Variants in RALGAPA2 observed in about 807,000 individuals in gnomAD.
The protein encoded by RALGAPA2 is Ral GTPase activating protein catalytic subunit alpha 2, also known as ral GTPase-activating protein subunit alpha-2.
Under a neutral mutation model 230.4 loss-of-function variants are expected in RALGAPA2, and 139 were observed. That is an observed-to-expected ratio of 0.60 (90% CI 0.53 to 0.69). The LOEUF (loss-of-function observed/expected upper bound fraction) is 0.69. RALGAPA2 is among the 30% of genes least tolerant of loss of function. RALGAPA2 has a pLI of 0.00. For missense variants in RALGAPA2, 2,163 were observed against 2,276.0 expected, an observed-to-expected ratio of 0.95 and a Z score of 1.01; for synonymous variants, 847 against 837.8, an observed-to-expected ratio of 1.01 and a Z score of -0.19.
chr20:20,595,354 A>G (rs1450753446), intron 16 of RALGAPA2, among the ~76,000 whole-genome samples: 1 of 152,186 alleles, frequency 6.6e-6, no homozygotes, highest in Admixed American at 6.5e-5. Flanking sequence ...CATGATACCA[A>G]TCTGATCCTA....
chr20:20,638,378 T>C (rs1406947573), intron 7 of RALGAPA2, among the ~76,000 whole-genome samples: 1 of 152,174 alleles, frequency 6.6e-6, no homozygotes, highest in African/African-American at 2.4e-5. Flanking sequence ...ATGAGATGCT[T>C]TGGCTACCGC....
chr20:20,428,506 A>G (rs1018381940), intron 37 of RALGAPA2, among the ~76,000 whole-genome samples: 1 of 152,182 alleles, frequency 6.6e-6, no homozygotes, highest in Non-Finnish European at 1.5e-5. Context: ...CATGACCCAG[A>G]TGAGGAAAAT....
chr20:20,584,888 C>T lies in RALGAPA2; in HGVS notation c.2507G>A (p.Gly836Glu), dbSNP rs751545417. 11 of 1,611,252 alleles carry T rather than the reference C, an allele frequency of 6.8e-6. No homozygotes were observed. Among genetic ancestry groups the T allele is most frequent in the Non-Finnish European group, 7.6e-6 (9 of 1,178,164 alleles). The change falls in exon 19 of 40, where the codon GGA becomes GAA. Residue 836 changes from glycine to glutamate, a missense_variant. Coordinates refer to ENST00000202677, the MANE Select transcript of RALGAPA2 (RefSeq NM_020343.4). ...DLKDDLQQTQ[G>E]KCRERQKSES... ...ACTCTTCTGTCTTTCCCTACATTTT[C>T]CTTGTGTCTGCTGCAAATCATCTTT... is the stretch of plus-strand genomic sequence containing the variant.
chr20:20,433,402 G>C (rs2122987112), intron 37 of RALGAPA2, among the ~76,000 whole-genome samples: 1 of 152,360 alleles, frequency 6.6e-6, no homozygotes, highest in Middle Eastern at 3.4e-3. Flanking sequence ...ACTAGGAGGA[G>C]CACTCAAACC....
intron 37 of RALGAPA2, among the ~76,000 whole-genome samples, chr20:20,419,348 A>G (rs1230411085): frequency 6.6e-6 from 1 of 152,234 alleles, no homozygotes; most frequent in East Asian, 1.9e-4. Flanking sequence ...CACCCATCAG[A>G]AGGACAGAAT....
intron 14 of RALGAPA2, among the ~76,000 whole-genome samples, chr20:20,610,120 C>T (rs1034677241): frequency 8.5e-5 from 13 of 152,158 alleles, no homozygotes; most frequent in African/African-American, 3.1e-4. Flanking sequence ...TGCTTTTTAA[C>T]ATATATCCTC....
chr20:20,648,644 T>C (rs1392352002), intron 4 of RALGAPA2, among the ~76,000 whole-genome samples: 3 of 151,808 alleles, frequency 2.0e-5, no homozygotes, highest in Non-Finnish European at 2.9e-5. Context: ...TCTGAAGCCA[T>C]TGAGGCACAG....
At chr20:20,637,649 C>A in intron 7 of RALGAPA2, 148 bp from the exon 8 acceptor site, 1 of 757,876 alleles carries the variant, frequency 1.3e-6, no homozygotes, top group Middle Eastern at 4.0e-4. Flanking sequence ...GAAATAATAA[C>A]AAAGCTCAAA....
chr20:20,680,611 G>A (rs2068484769), intron 2 of RALGAPA2, 80 bp downstream of exon 2: 1 of 1,424,982 alleles, frequency 7.0e-7, no homozygotes, highest in African/African-American at 1.5e-5. Context: ...GCTTAAAAAT[G>A]TATAATTTGT....
chr20:20,613,857 T>C (rs1421312458), intron 13 of RALGAPA2, among the ~76,000 whole-genome samples: 2 of 152,300 alleles, frequency 1.3e-5, no homozygotes, highest in African/African-American at 2.4e-5. Flanking sequence ...CGTCTGTCCA[T>C]GCCAAGCAAC....
At chr20:20,675,783 T>C (rs2068301657) in intron 3 of RALGAPA2, among the ~76,000 whole-genome samples, 1 of 152,122 alleles carries the variant, frequency 6.6e-6, no homozygotes, top group Non-Finnish European at 1.5e-5. Flanking sequence ...GATTTATATA[T>C]ATATGTATTT....
intron 26 of RALGAPA2, among the ~76,000 whole-genome samples, chr20:20,532,878 C>G (rs1190127201): frequency 6.6e-6 from 1 of 152,082 alleles, no homozygotes; most frequent in Non-Finnish European, 1.5e-5. Context: ...GAATTATGTT[C>G]TGAGGAACAT....
chr20:20,572,544 G>A (rs910539190), intron 21 of RALGAPA2, among the ~76,000 whole-genome samples: 3 of 151,310 alleles, frequency 2.0e-5, no homozygotes, highest in Non-Finnish European at 4.4e-5. Context: ...GAATACTGAT[G>A]TTAATTTTCT....
At chr20:20,488,180 A>G (rs2061962576) in intron 36 of RALGAPA2, among the ~76,000 whole-genome samples, 4 of 152,160 alleles carry the variant, frequency 2.6e-5, no homozygotes, top group Admixed American at 2.6e-4. Context: ...GTGTAGGTGG[A>G]CCCACACAGT....
At chr20:20,701,871 C>A (rs1333847617) in intron 1 of RALGAPA2, among the ~76,000 whole-genome samples, 1 of 151,822 alleles carries the variant, frequency 6.6e-6, no homozygotes, top group African/African-American at 2.4e-5. Flanking sequence ...GAAACCCCGT[C>A]TCTACTAAAA....
chr20:20,418,268 T>G (rs1300612069), intron 37 of RALGAPA2, among the ~76,000 whole-genome samples: 1 of 152,198 alleles, frequency 6.6e-6, no homozygotes, highest in East Asian at 1.9e-4. Flanking sequence ...CCATTAATGA[T>G]CAGGGATTAT....
intron 16 of RALGAPA2, 72 bp from the exon 17 acceptor site, chr20:20,591,386 C>A: frequency 6.9e-7 from 1 of 1,453,578 alleles, no homozygotes. Flanking sequence ...CTTAAAACAA[C>A]CGATTTAAAA....
intron 1 of RALGAPA2, among the ~76,000 whole-genome samples, chr20:20,696,097 T>G (rs200311736): frequency 6.6e-6 from 1 of 152,148 alleles, no homozygotes; most frequent in East Asian, 1.9e-4. Flanking sequence ...GTGGGCCCAT[T>G]ACATGGCCCA....
intron 37 of RALGAPA2, among the ~76,000 whole-genome samples, chr20:20,462,079 C>T (rs1465985347): frequency 6.6e-6 from 1 of 152,000 alleles, no homozygotes; most frequent in African/African-American, 2.4e-5. Context: ...AGATTGAAGA[C>T]CGAAATAAAG....
Sources: gnomAD v4.1 joint callset for allele counts (sites outside exome capture counted in the v4.1 genomes callset) on GRCh38, gnomAD v4.1.1 for gene constraint, MANE v1.5 for transcripts, NCBI Gene and HGNC (gene_info 2026-07-23, HGNC 2026-07-21) for gene names.